Variants in MRPS5 observed in about 807,000 individuals in gnomAD.
MRPS5 encodes small ribosomal subunit protein uS5m.
Under a neutral mutation model 51.9 loss-of-function variants are expected in MRPS5, and 27 were observed. The ratio of observed to expected loss-of-function variants is 0.52; its 90% CI spans 0.38 to 0.72. The LOEUF (loss-of-function observed/expected upper bound fraction) is 0.72. Among genes scored for constraint, MRPS5 ranks in the 30% least tolerant of loss-of-function variants. MRPS5 has a pLI of 0.00. For missense variants in MRPS5, 570 were observed against 545.7 expected, an observed-to-expected ratio of 1.04 and a Z score of -0.44; for synonymous variants, 196 against 193.2, an observed-to-expected ratio of 1.01 and a Z score of -0.12.
chr2:95,115,173 G>A lies in MRPS5; in HGVS notation c.170C>T (p.Thr57Ile), dbSNP rs1423036320. Residue 57 changes from threonine to isoleucine, a missense_variant, in exon 3 of 12, where the codon ACC becomes ATC. Coordinates refer to ENST00000272418, the MANE Select transcript of MRPS5 (RefSeq NM_031902.5). Reference protein sequence around the residue: ...GHLSSLGTRDTHPYASLSRAL... With the variant: ...GHLSSLGTRDIHPYASLSRAL... ...ACGGCTCAAGCTGGCGTAGGGATGGGTGTCTCTGGTTCCCAGTGATGACAA... is the reference window on the plus strand; with the variant it reads ...ACGGCTCAAGCTGGCGTAGGGATGGATGTCTCTGGTTCCCAGTGATGACAA... The A allele has an allele frequency of 2.9e-5, 46 of 1,607,346 alleles. No individual in the cohort carries two copies. In the Middle Eastern group the frequency reaches 8.3e-4, roughly 29 times the overall value.
chr2:95,104,440 T>C, intron 7 of MRPS5, 200 bp downstream of exon 7: 1 of 622,074 alleles, frequency 1.6e-6, no homozygotes, highest in Non-Finnish European at 2.9e-6. Flanking sequence ...AAAAGGCAAG[T>C]ACAGTAGAAT....
chr2:95,088,783 T>C (rs1463759229), intron 11 of MRPS5, among the ~76,000 whole-genome samples: 2 of 152,130 alleles, frequency 1.3e-5, no homozygotes, highest in African/African-American at 4.8e-5. Flanking sequence ...AAAGAACAAG[T>C]CTAGGCTGGG....
chr2:95,086,424 C>T lies in MRPS5; in HGVS notation c.*933G>A, dbSNP rs777705541. On this transcript the variant is annotated 3_prime_UTR_variant, in exon 12 of 12. Transcript: ENST00000272418. ...AAGTACTGCATGGATGGTTCAAGAG[C>T]AGAATGGAAAGGAAAGAGTAAATAA... Among the ~76,000 whole-genome samples the T allele has an allele frequency of 6.6e-6, 1 of 151,932 alleles. No individual in the cohort carries two copies. The highest frequency in any genetic ancestry group is 1.5e-5 in the Non-Finnish European group (1 of 68,002).
chr2:95,108,042 G>A (rs1284584577), intron 5 of MRPS5, 133 bp downstream of exon 5: 2 of 719,626 alleles, frequency 2.8e-6, no homozygotes, highest in African/African-American at 3.5e-5. Flanking sequence ...GATGTGATAT[G>A]TTATTTCAAA....
intron 10 of MRPS5, among the ~76,000 whole-genome samples, chr2:95,094,008 T>A (rs1189832441): frequency 6.6e-6 from 1 of 152,188 alleles, no homozygotes; most frequent in African/African-American, 2.4e-5. Context: ...GACAAATGGC[T>A]AACTAGAATA....
At chr2:95,104,389 T>G in intron 7 of MRPS5, 1 of 506,772 alleles carries the variant, frequency 2.0e-6, no homozygotes, top group Non-Finnish European at 3.6e-6. Context: ...CATAATAAAA[T>G]AATGTCTTCA....
At chr2:95,109,623 TC>T (rs1409594397) in intron 4 of MRPS5, among the ~76,000 whole-genome samples, 1 of 152,212 alleles carries the variant, frequency 6.6e-6, no homozygotes, top group Non-Finnish European at 1.5e-5. Flanking sequence ...TCGCCAACTC[TC>T]CATTTAGTCT....
In MRPS5 at chr2:95,121,728, T is replaced by C. The variant is rs1181518894; in HGVS notation, c.58+6A>G. On this transcript the variant is annotated splice_donor_region_variant and intron_variant, in intron 1 of 11. Transcript: ENST00000272418. ...GAGCCCCTGCTCCCGGCGTCCCAGC[T>C]CTCACCTGCCGTCCCGCTACACAGC... is the stretch of plus-strand genomic sequence containing the variant. The C allele has an allele frequency of 1.3e-6, 2 of 1,540,772 alleles. No individual in the cohort carries two copies. Among genetic ancestry groups the C allele is most frequent in the Non-Finnish European group, 1.7e-6 (2 of 1,151,606 alleles).
chr2:95,085,805 C>T lies in MRPS5; in HGVS notation c.*1552G>A, dbSNP rs984220878. 1.5e-4 allele frequency among the ~76,000 whole-genome samples: 23 copies of T among 152,258 alleles called. No homozygotes were observed. Among genetic ancestry groups the T allele is most frequent in the African/African-American group, 5.3e-4 (22 of 41,556 alleles). On this transcript the variant is annotated 3_prime_UTR_variant, in exon 12 of 12. Transcript: ENST00000272418. Reference sequence around the variant, plus strand: ...CATAACAGTGAAGATGACCAGGATACAGCCAAAGTCACTCATCATAACAAG... The same window carrying T: ...CATAACAGTGAAGATGACCAGGATATAGCCAAAGTCACTCATCATAACAAG...
At position 95,101,620 on chromosome 2, in the gene MRPS5, G is replaced by A; in HGVS notation, c.810+57C>T. ...TTGTTTTGTGGTTCCCACTGTGTCTGGCATATAACTTACTAATCTTTTACT... is the reference window on the plus strand; with the variant it reads ...TTGTTTTGTGGTTCCCACTGTGTCTAGCATATAACTTACTAATCTTTTACT... On this transcript the variant is annotated intron_variant, in intron 8 of 11. Transcript: ENST00000272418. 5 of 1,347,604 alleles carry A rather than the reference G, an allele frequency of 3.7e-6. No homozygotes were observed. In the South Asian group the frequency reaches 4.0e-5, roughly 11 times the overall value. The allele number at this position is 1,347,604 out of a possible 1,614,324, so 83.5% of individuals were successfully genotyped here. A position where few individuals can be genotyped will look rare whatever the true frequency, so the allele number is the denominator to read the frequency against.
intron 10 of MRPS5, among the ~76,000 whole-genome samples, chr2:95,095,239 A>C (rs890571393): frequency 6.6e-6 from 1 of 152,224 alleles, no homozygotes; most frequent in Non-Finnish European, 1.5e-5. Context: ...GTCCTTAGAG[A>C]CCTACAAAGA....
At position 95,087,286 on chromosome 2, in the gene MRPS5, C is replaced by T; in HGVS notation, c.*71G>A. The T allele has an allele frequency of 8.2e-7, 1 of 1,216,788 alleles. No individual in the cohort carries two copies. The highest frequency in any genetic ancestry group is 1.2e-6 in the Non-Finnish European group (1 of 846,152). The allele number at this position is 1,216,788 out of a possible 1,614,324, so 75.4% of individuals were successfully genotyped here. ...ACAAACAAAAGGCAAGGTAACATCC[C>T]AAGCTGTGAGGGGCTGAGTCTCTCC... On this transcript the variant is annotated 3_prime_UTR_variant, in exon 12 of 12. Coordinates refer to ENST00000272418, the MANE Select transcript of MRPS5 (RefSeq NM_031902.5).
chr2:95,093,305 A>C (rs1320199810), intron 10 of MRPS5: 1 of 152,362 alleles, frequency 6.6e-6, no homozygotes, highest in African/African-American at 2.4e-5. Context: ...AGGCAGCAGA[A>C]ACTTCTGCAG....
chr2:95,104,502 T>C (rs771251757), intron 7 of MRPS5, 138 bp downstream of exon 7: 2 of 843,232 alleles, frequency 2.4e-6, no homozygotes, highest in African/African-American at 1.7e-5. Context: ...ACAAGCTTTG[T>C]GAACCCAAAC....
chr2:95,116,271 ATATT>A (rs564957964), intron 2 of MRPS5, among the ~76,000 whole-genome samples: 4 of 151,416 alleles, frequency 2.6e-5, no homozygotes, highest in South Asian at 2.1e-4. Flanking sequence ...TAAATATTAA[ATATT>A]TAATTATTAA....
At chr2:95,107,011 G>A (rs1397561608) in intron 5 of MRPS5, among the ~76,000 whole-genome samples, 2 of 152,034 alleles carry the variant, frequency 1.3e-5, no homozygotes, top group South Asian at 2.1e-4. Context: ...ATGTCCTTTC[G>A]GTTAGGTCTC....
chr2:95,117,682 C>T (rs953619032), intron 2 of MRPS5, among the ~76,000 whole-genome samples, 183 bp downstream of exon 2: 2 of 151,296 alleles, frequency 1.3e-5, no homozygotes, highest in Admixed American at 1.3e-4. Flanking sequence ...AAATACTCTT[C>T]AGAACCTATG....
intron 11 of MRPS5, 85 bp from the exon 12 acceptor site, chr2:95,087,666 A>G: frequency 8.5e-7 from 1 of 1,170,838 alleles, no homozygotes; most frequent in Non-Finnish European, 1.2e-6. Flanking sequence ...CCACAACAGT[A>G]CAGCCTGGGG....
At chr2:95,104,872 CAAGT>C (rs1214733158) in intron 6 of MRPS5, 142 bp from the exon 7 acceptor site, 2 of 653,338 alleles carry the variant, frequency 3.1e-6, no homozygotes, top group Non-Finnish European at 5.3e-6. Flanking sequence ...CTCCTGAGCA[CAAGT>C]AACAGCCTTT....
Sources: allele counts gnomAD v4.1 joint callset (sites outside exome capture counted in the v4.1 genomes callset), GRCh38; gene constraint gnomAD v4.1.1; transcripts MANE v1.5; gene names NCBI Gene and HGNC (gene_info 2026-07-23, HGNC 2026-07-21).